FUT6: variants seen among roughly 807,000 people sequenced by gnomAD.
FUT6 encodes the protein fucosyltransferase 6.
For missense variants in FUT6, 454 were observed against 494.6 expected (o/e 0.92, Z 0.78); for synonymous variants, 187 against 209.9 (o/e 0.89, Z 0.94).
At position 5,832,192 on chromosome 19, in the gene FUT6, G is replaced by A. The variant is rs111589452; in HGVS notation, c.376C>T (p.Arg126Trp). The change falls in exon 3 of 3, where the codon CGG (arginine) becomes TGG (tryptophan). Residue 126 changes from arginine to tryptophan, a missense_variant. Coordinates refer to ENST00000318336, the MANE Select transcript of FUT6 (RefSeq NM_000150.4). The surrounding 1 kb of genome is among the most constrained non-coding windows in gnomAD (Gnocchi z 4.3). ...AACCAGATCCATCGCTGCCCCTGCC[G>A]CCTCGGGGAGCGTGGGAGCTGGGCA... ...PSAQLPRSPR[R>W]QGQRWIWFSM... 127 of 1,613,932 alleles carry A rather than the reference G, an allele frequency of 7.9e-5. No homozygotes were observed. In the Middle Eastern group the frequency reaches 1.8e-3, roughly 23 times the overall value.
chr19:5,831,637 C>A lies in FUT6; in HGVS notation c.931G>T (p.Asp311Tyr), dbSNP rs773667225. The change falls in exon 3 of 3, where the codon GAC becomes TAC. Residue 311 changes from aspartate to tyrosine, a missense_variant. By Grantham distance (160) the Asp-to-Tyr change is radical. Coordinates refer to ENST00000318336, the MANE Select transcript of FUT6 (RefSeq NM_000150.4). This position sits in a 1 kb window ranked among gnomAD's most constrained non-coding sequence, Gnocchi z 7.0. ...AAGTAGCTCAGGTAGCGGGCGTGGT[C>A]CTTGTCCAGCTCCTGCAGGTACCGG... ...LARYLQELDK[D>Y]HARYLSYFRW... 5.0e-6 allele frequency: 8 copies of A among 1,613,404 alleles called. No homozygotes were observed. The South Asian group carries it at 8.8e-5, about 18-fold the overall frequency.
rs955281991 is a variant in FUT6, at chr19:5,834,939, A to G, written c.-13+11T>C. The G allele has an allele frequency of 2.6e-5, 4 of 152,322 alleles. No individual in the cohort carries two copies. Among genetic ancestry groups the G allele is most frequent in the African/African-American group, 9.7e-5 (4 of 41,448 alleles). 9.4% of individuals were successfully genotyped at this position (152,322 alleles called of 1,614,324 possible). Reference sequence around the variant, plus strand: ...GGAGGCTGGGAGGGACCCTTGGACCATGATAAGGACCTGCTGCCGCTCCCT... The same window carrying G: ...GGAGGCTGGGAGGGACCCTTGGACCGTGATAAGGACCTGCTGCCGCTCCCT... On this transcript the variant is annotated intron_variant, in intron 2 of 2. Transcript: ENST00000318336.
At chr19:5,835,799 A>G (rs950932128) in intron 1 of FUT6, among the ~76,000 whole-genome samples, 2 of 152,208 alleles carry the variant, frequency 1.3e-5, no homozygotes, top group Admixed American at 1.3e-4. Context: ...ACTTTCTGTG[A>G]TGACGGAAAT....
intron 1 of FUT6, among the ~76,000 whole-genome samples, chr19:5,835,775 A>G (rs1387334670): frequency 6.6e-6 from 1 of 152,226 alleles, no homozygotes; most frequent in African/African-American, 2.4e-5. Context: ...CTCCGTCTCA[A>G]CAAAAACAAA....
chr19:5,836,551 G>C (rs867573441), intron 1 of FUT6, among the ~76,000 whole-genome samples: 1 of 152,120 alleles, frequency 6.6e-6, no homozygotes, highest in Non-Finnish European at 1.5e-5. Context: ...GATACTGGCC[G>C]GGAGTAATGG....
chr19:5,831,984 G>A lies in FUT6; in HGVS notation c.584C>T (p.Ala195Val), dbSNP rs1304884897. 2.5e-6 allele frequency: 4 copies of A among 1,613,956 alleles called. No individual in the cohort carries two copies. The highest frequency in any genetic ancestry group is 1.7e-6 in the Non-Finnish European group (2 of 1,179,944). Residue 195 changes from alanine (A) to valine (V), a missense_variant, in exon 3 of 3, where the codon GCA becomes GTA. Ala to Val is a moderately conservative substitution (Grantham distance 64). Coordinates refer to ENST00000318336, the MANE Select transcript of FUT6 (RefSeq NM_000150.4). The surrounding 1 kb of genome is among the most constrained non-coding windows in gnomAD (Gnocchi z 7.0). ...LSAKTELVAW[A>V]VSNWGPNSAR... ...GGAGTTTGGCCCCCAGTTGGACACT[G>A]CCCAGGCCACCAGCTCGGTCTTGGC...
intron 1 of FUT6, chr19:5,838,382 G>C (rs2057210460): frequency 1.3e-5 from 2 of 152,292 alleles, no homozygotes; most frequent in South Asian, 2.1e-4. Flanking sequence ...CTCTGCAAGA[G>C]AGACAGACAG....
chr19:5,837,718 G>GT (rs1417834702), intron 1 of FUT6, among the ~76,000 whole-genome samples: 1 of 151,960 alleles, frequency 6.6e-6, no homozygotes, highest in Non-Finnish European at 1.5e-5. Flanking sequence ...GTGAGCCAAG[G>GT]TCGCGCCACT....
In FUT6 at chr19:5,832,572, C is replaced by CA; in HGVS notation, c.-6dup. ...GGCCGGGCCCAGGGGATCCATGGGT[C>CA]AGAGTATCTGGGAAGTGGGGAGAGA... is the stretch of plus-strand genomic sequence containing the variant. On this transcript the variant is annotated 5_prime_UTR_variant, in exon 3 of 3. Coordinates refer to ENST00000318336, the MANE Select transcript of FUT6 (RefSeq NM_000150.4). The surrounding 1 kb of genome is among the most constrained non-coding windows in gnomAD (Gnocchi z 4.3). The CA allele has an allele frequency of 6.2e-7, 1 of 1,611,830 alleles. No homozygotes were observed. Among genetic ancestry groups the CA allele is most frequent in the Non-Finnish European group, 8.5e-7 (1 of 1,178,606 alleles).
Position 5,832,580 on chromosome 19 carries a change from C to A in FUT6, c.-12-1G>T. The A allele has an allele frequency of 6.2e-7, 1 of 1,607,604 alleles. No individual in the cohort carries two copies. Among genetic ancestry groups the A allele is most frequent in the Non-Finnish European group, 8.5e-7 (1 of 1,174,828 alleles). On this transcript the variant is annotated splice_acceptor_variant, in intron 2 of 2. Transcript: ENST00000318336. LOFTEE classifies it low-confidence loss of function (5UTR_SPLICE). This position sits in a 1 kb window ranked among gnomAD's most constrained non-coding sequence, Gnocchi z 4.3. ...CCAGGGGATCCATGGGTCAGAGTAT[C>A]TGGGAAGTGGGGAGAGAGGAGTGAG... is the stretch of plus-strand genomic sequence containing the variant.
chr19:5,836,406 G>A (rs1480918374), intron 1 of FUT6, among the ~76,000 whole-genome samples: 1 of 151,690 alleles, frequency 6.6e-6, no homozygotes, highest in African/African-American at 2.4e-5. Flanking sequence ...AGTAGAGATG[G>A]GGTTTCACCA....
intron 1 of FUT6, among the ~76,000 whole-genome samples, chr19:5,837,492 C>T (rs1003419015): frequency 2.0e-5 from 3 of 151,572 alleles, no homozygotes; most frequent in Admixed American, 6.6e-5. Flanking sequence ...AGGCCAGGCA[C>T]GGTGGCTCAT....
chr19:5,831,299 C>T lies in FUT6; in HGVS notation c.*189G>A. 2 of 1,374,572 alleles carry T rather than the reference C, an allele frequency of 1.5e-6. No individual in the cohort carries two copies. The highest frequency in any genetic ancestry group is 2.3e-5 in the East Asian group (1 of 43,814). The allele number at this position is 1,374,572 out of a possible 1,614,324, so 85.1% of individuals were successfully genotyped here. Reference sequence around the variant, plus strand: ...CCGAAGACTCCAGCAGGTGAGGCCCCAGGAAAGTGAGGACCCAGGTAGGTG... The same window carrying T: ...CCGAAGACTCCAGCAGGTGAGGCCCTAGGAAAGTGAGGACCCAGGTAGGTG... On this transcript the variant is annotated 3_prime_UTR_variant, in exon 3 of 3. Transcript: ENST00000318336. This position sits in a 1 kb window ranked among gnomAD's most constrained non-coding sequence, Gnocchi z 7.0.
At position 5,839,353 on chromosome 19, in the gene FUT6, A is replaced by G. The variant is rs2144830227; in HGVS notation, c.-817T>C. 6.6e-6 allele frequency: 1 copy of G among 152,382 alleles called. No individual in the cohort carries two copies. Among genetic ancestry groups the G allele is most frequent in the Non-Finnish European group, 1.5e-5 (1 of 68,026 alleles). 9.4% of individuals were successfully genotyped at this position (152,382 alleles called of 1,614,324 possible). A position where few individuals can be genotyped will look rare whatever the true frequency, so the allele number is the denominator to read the frequency against. On this transcript the variant is annotated 5_prime_UTR_variant, in exon 1 of 3. Coordinates refer to ENST00000318336, the MANE Select transcript of FUT6 (RefSeq NM_000150.4). ...TCGCAAAGGCCCTGAGGCAGCAGAAATGCAGGCATGTTGAGGAACTGCAGG... is the reference window on the plus strand; with the variant it reads ...TCGCAAAGGCCCTGAGGCAGCAGAAGTGCAGGCATGTTGAGGAACTGCAGG...
rs547084703 is a variant in FUT6, at chr19:5,832,000, C to T, written c.568G>A (p.Glu190Lys). 3 of 1,613,924 alleles carry T rather than the reference C, an allele frequency of 1.9e-6. No homozygotes were observed. Among genetic ancestry groups the T allele is most frequent in the Non-Finnish European group, 1.7e-6 (2 of 1,179,974 alleles). ...HPPLNLSAKT[E>K]LVAWAVSNWG... is the part of the protein sequence containing the mutation. ...TTGGACACTGCCCAGGCCACCAGCT[C>T]GGTCTTGGCCGAGAGGTTGAGCGGT... Residue 190 changes from glutamate (E) to lysine (K), a missense_variant, in exon 3 of 3, where the codon GAG becomes AAG. Glu to Lys is a moderately conservative substitution (Grantham distance 56). Coordinates refer to ENST00000318336, the MANE Select transcript of FUT6 (RefSeq NM_000150.4). The surrounding 1 kb of genome is among the most constrained non-coding windows in gnomAD (Gnocchi z 7.0).
At position 5,832,331 on chromosome 19, in the gene FUT6, G is replaced by A; in HGVS notation, c.237C>T (p.Arg79=). The part of the protein sequence containing the change: ...WPFNKPIALP[R]CSEMVPGTAD... Reference sequence around the variant, plus strand: ...CCGTGCCAGGCACCATCTCTGAGCAGCGGGGCAGAGCTATGGGTTTGTTAA... The same window carrying A: ...CCGTGCCAGGCACCATCTCTGAGCAACGGGGCAGAGCTATGGGTTTGTTAA... The change falls in exon 3 of 3, where the codon CGC becomes CGT. Residue 79 remains arginine, a synonymous_variant. Transcript: ENST00000318336. The surrounding 1 kb of genome is among the most constrained non-coding windows in gnomAD (Gnocchi z 4.3). The A allele has an allele frequency of 6.2e-7, 1 of 1,614,086 alleles. No homozygotes were observed. Among genetic ancestry groups the A allele is most frequent in the Non-Finnish European group, 8.5e-7 (1 of 1,180,028 alleles).
At chr19:5,835,591 C>A (rs2057168294) in intron 1 of FUT6, among the ~76,000 whole-genome samples, 1 of 152,074 alleles carries the variant, frequency 6.6e-6, no homozygotes, top group Non-Finnish European at 1.5e-5. Flanking sequence ...CAAGACCAGC[C>A]TGGCCAACAT....
intron 1 of FUT6, 46 bp from the exon 2 acceptor site, chr19:5,835,123 A>G (rs1000300084): frequency 2.6e-5 from 4 of 152,200 alleles, no homozygotes; most frequent in Admixed American, 2.6e-4. Context: ...GTGAACCTCA[A>G]CAGAGCCTGG....
At chr19:5,835,383 T>C (rs2057165820) in intron 1 of FUT6, among the ~76,000 whole-genome samples, 2 of 152,270 alleles carry the variant, frequency 1.3e-5, no homozygotes, top group South Asian at 4.1e-4. Flanking sequence ...ACTAGAGCCA[T>C]TTTGATCCAG....
Sources: gnomAD v4.1 joint callset for allele counts (sites outside exome capture counted in the v4.1 genomes callset) on GRCh38, gnomAD v4.1.1 for gene constraint, Gnocchi (gnomAD v3.1) non-coding constraint, MANE v1.5 for transcripts, NCBI Gene and HGNC (gene_info 2026-07-23, HGNC 2026-07-21) for gene names.